The following USO1 variants were observed in gnomAD, a reference collection of about 807,000 sequenced individuals.
The protein encoded by USO1 is USO1 vesicle transport factor.
A neutral mutation model predicts 124.5 loss-of-function variants in USO1; 57 were observed. The ratio of observed to expected loss-of-function variants is 0.46; its 90% CI spans 0.37 to 0.57. USO1 has a LOEUF of 0.57. USO1 is among the 20% of genes least tolerant of loss of function. The probability of loss-of-function intolerance (pLI) is 0.00; values close to 1 mark genes in which losing one functional copy is unlikely to be tolerated. For synonymous variants in USO1, 369 were observed against 362.8 expected (o/e 1.02, Z -0.19); for missense variants, 900 against 1,040.6 (o/e 0.86, Z 1.86).
intron 1 of USO1, among the ~76,000 whole-genome samples, chr4:75,751,947 G>T (rs1352859190): frequency 6.6e-6 from 1 of 151,792 alleles, no homozygotes; most frequent in African/African-American, 2.4e-5. Flanking sequence ...ACTTCTTCTT[G>T]TTCAGATATA....
At chr4:75,813,150 T>C (rs1723197769) in intron 23 of USO1, 56 bp from the exon 24 acceptor site, 1 of 1,553,272 alleles carries the variant, frequency 6.4e-7, no homozygotes, top group African/African-American at 1.4e-5. Flanking sequence ...TATTGTTAAA[T>C]GTTGAATGTG....
chr4:75,796,233 CCTT>C (rs1275075486), intron 13 of USO1, among the ~76,000 whole-genome samples: 1 of 151,972 alleles, frequency 6.6e-6, no homozygotes, highest in African/African-American at 2.4e-5. Context: ...AATGCACAGA[CCTT>C]CTGTGTTTCA....
At chr4:75,796,055 A>C (rs1191216149) in intron 13 of USO1, among the ~76,000 whole-genome samples, 1 of 152,080 alleles carries the variant, frequency 6.6e-6, no homozygotes. Context: ...TATGAATTGT[A>C]TCTTTGTGTA....
chr4:75,724,931 G>T (rs1283338963), intron 1 of USO1, 46 bp downstream of exon 1: 2 of 1,604,790 alleles, frequency 1.2e-6, no homozygotes, highest in South Asian at 2.2e-5. Flanking sequence ...GTCCGGGCAG[G>T]GACGGGGACG....
At chr4:75,740,074 A>G (rs6531903) in intron 1 of USO1, among the ~76,000 whole-genome samples, 137,460 of 152,172 alleles carry the variant, frequency 0.9, 62,248 homozygotes, top group African/African-American at 0.98. Context: ...TAGCTCACAC[A>G]TGTAATCCTA....
intron 22 of USO1, among the ~76,000 whole-genome samples, chr4:75,811,609 C>A (rs967980947): frequency 6.6e-6 from 1 of 152,112 alleles, no homozygotes; most frequent in Non-Finnish European, 1.5e-5. Flanking sequence ...ACAGAGACAT[C>A]AGAATAAATA....
intron 19 of USO1, among the ~76,000 whole-genome samples, chr4:75,805,854 CT>C (rs1389440128): frequency 6.6e-6 from 1 of 151,906 alleles, no homozygotes; most frequent in African/African-American, 2.4e-5. Flanking sequence ...GTGGTAATGT[CT>C]AGTTCATTGT....
intron 1 of USO1, among the ~76,000 whole-genome samples, chr4:75,728,957 C>T (rs1016561219): frequency 1.3e-5 from 2 of 151,970 alleles, no homozygotes; most frequent in African/African-American, 4.8e-5. Flanking sequence ...TGCCACCACA[C>T]CGGCTAATTT....
At chr4:75,755,558 T>G (rs1404707296) in intron 3 of USO1, 4 of 510,350 alleles carry the variant, frequency 7.8e-6, no homozygotes, top group African/African-American at 7.8e-5. Context: ...ATATTTCAGT[T>G]ATGCCCAGCT....
At chr4:75,745,758 G>T (rs1721106062) in intron 1 of USO1, among the ~76,000 whole-genome samples, 1 of 147,884 alleles carries the variant, frequency 6.8e-6, no homozygotes, top group Admixed American at 6.7e-5. Context: ...AAATTAGCCG[G>T]ACGTAGTGGC....
At chr4:75,807,030 A>C (rs1461129914) in intron 20 of USO1, among the ~76,000 whole-genome samples, 1 of 152,162 alleles carries the variant, frequency 6.6e-6, no homozygotes, top group Non-Finnish European at 1.5e-5. Context: ...GACTCCAGCT[A>C]AAAAGCAAAA....
intron 1 of USO1, chr4:75,730,075 T>C (rs1720585880): frequency 4.1e-6 from 1 of 243,596 alleles, no homozygotes; most frequent in African/African-American, 2.3e-5. Context: ...TGTTTTGCAA[T>C]AACAATGTCG....
intron 1 of USO1, among the ~76,000 whole-genome samples, chr4:75,731,171 A>T (rs1720620281): frequency 6.6e-6 from 1 of 152,312 alleles, no homozygotes; most frequent in East Asian, 1.9e-4. Context: ...ATGTTCCCAC[A>T]TCTCTTTTTA....
intron 9 of USO1, among the ~76,000 whole-genome samples, chr4:75,785,924 G>A (rs1273993991): frequency 6.6e-6 from 1 of 152,116 alleles, no homozygotes; most frequent in Non-Finnish European, 1.5e-5. Context: ...AATCTCACTA[G>A]AAAAGTCCAA....
At chr4:75,734,662 C>T (rs1489095220) in intron 1 of USO1, among the ~76,000 whole-genome samples, 2 of 133,838 alleles carry the variant, frequency 1.5e-5, no homozygotes, top group East Asian at 2.5e-4. Context: ...TGAAAAATGA[C>T]ATTGGTAGTT....
chr4:75,807,261 G>A (rs1006776957), intron 20 of USO1, among the ~76,000 whole-genome samples: 1 of 152,080 alleles, frequency 6.6e-6, no homozygotes, highest in African/African-American at 2.4e-5. Context: ...AAACTCTAGA[G>A]TATATTATCC....
intron 4 of USO1, among the ~76,000 whole-genome samples, chr4:75,768,012 C>A (rs1472444630): frequency 6.6e-6 from 1 of 151,276 alleles, no homozygotes; most frequent in Non-Finnish European, 1.5e-5. Flanking sequence ...TCTTTAATTT[C>A]TTTTTTTTTC....
At chr4:75,804,742 T>A (rs1244260474) in intron 18 of USO1, among the ~76,000 whole-genome samples, 4 of 152,194 alleles carry the variant, frequency 2.6e-5, no homozygotes, top group African/African-American at 9.6e-5. Context: ...AACTAAATGA[T>A]ATAATAAATG....
chr4:75,755,181 T>C (rs937627302), intron 3 of USO1, among the ~76,000 whole-genome samples: 2 of 152,096 alleles, frequency 1.3e-5, no homozygotes, highest in African/African-American at 4.8e-5. Flanking sequence ...ATCTCCAGAG[T>C]CATGTACTGG....
Sources: allele counts gnomAD v4.1 joint callset (sites outside exome capture counted in the v4.1 genomes callset), GRCh38; gene constraint gnomAD v4.1.1; transcripts MANE v1.5; gene names NCBI Gene and HGNC (gene_info 2026-07-23, HGNC 2026-07-21).